Variants in DDX6 observed in about 807,000 individuals in gnomAD.
DDX6 encodes the protein probable ATP-dependent RNA helicase DDX6.
In DDX6, 7 loss-of-function variants were observed where a neutral mutation model predicts 60.6. The observed-to-expected ratio is 0.12, with a 90% confidence interval of 0.07 to 0.22. DDX6 has a LOEUF of 0.22. Ranked by LOEUF, DDX6 falls within the 10% of genes least tolerant of loss-of-function variation. The probability of loss-of-function intolerance (pLI) is 1.00; values close to 1 mark genes in which losing one functional copy is unlikely to be tolerated. For missense variants in DDX6, 270 were observed against 589.9 expected (o/e 0.46, Z 5.62); for synonymous variants, 207 against 201.0 (o/e 1.03, Z -0.25).
At position 118,765,140 on chromosome 11, in the gene DDX6, A is replaced by T. The variant is rs911078828; in HGVS notation, c.646+69T>A. ...CCTTAATTCTTAAAAACAATTTTTAATAATTTACTGAAATACTTGTGACTA... is the reference window on the plus strand; with the variant it reads ...CCTTAATTCTTAAAAACAATTTTTATTAATTTACTGAAATACTTGTGACTA... On this transcript the variant is annotated intron_variant, in intron 6 of 13. Coordinates refer to ENST00000534980, the MANE Select transcript of DDX6 (RefSeq NM_004397.6). 8.4e-6 allele frequency: 13 copies of T among 1,552,238 alleles called. 1 individual carries two copies. In the Middle Eastern group the frequency reaches 7.1e-4, roughly 85 times the overall value.
rs1326824328 is a variant in DDX6, at chr11:118,751,745, T to C, written c.*360A>G. 2.4e-5 allele frequency: 7 copies of C among 296,330 alleles called. No homozygotes were observed. The highest frequency in any genetic ancestry group is 4.6e-5 in the Non-Finnish European group (7 of 150,902). 18.4% of individuals were successfully genotyped at this position (296,330 alleles called of 1,614,324 possible). A position where few individuals can be genotyped will look rare whatever the true frequency, so the allele number is the denominator to read the frequency against. Reference sequence around the variant, plus strand: ...CACGAGAGTCAGCTGTTGGAGAATTTTGAAATCATTGACAAGCTTGTGTGT... The same window carrying C: ...CACGAGAGTCAGCTGTTGGAGAATTCTGAAATCATTGACAAGCTTGTGTGT... On this transcript the variant is annotated 3_prime_UTR_variant, in exon 14 of 14. Transcript: ENST00000534980.
intron 4 of DDX6, among the ~76,000 whole-genome samples, chr11:118,778,011 GAAT>G (rs782667073): frequency 4.8e-5 from 7 of 147,174 alleles, no homozygotes; most frequent in Non-Finnish European, 8.9e-5. Context: ...GCTATTTTTA[GAAT>G]AATAATAAAA....
intron 2 of DDX6, 40 bp downstream of exon 2, chr11:118,786,012 T>TCC: frequency 5.7e-6 from 9 of 1,571,556 alleles, no homozygotes; most frequent in Non-Finnish European, 7.8e-6. Flanking sequence ...AAATCTTGGT[T>TCC]CCCCACAAGT....
rs1346340576 is a variant in DDX6, at chr11:118,758,834, C to T, written c.933G>A (p.Gln311=). 1 of 1,613,720 alleles carries T rather than the reference C, an allele frequency of 6.2e-7. No individual in the cohort carries two copies. The highest frequency in any genetic ancestry group is 1.7e-5 in the Admixed American group (1 of 59,978). The change falls in exon 9 of 14, where the codon CAG becomes CAA. Residue 311 remains glutamine, a synonymous_variant. Coordinates refer to ENST00000534980, the MANE Select transcript of DDX6 (RefSeq NM_004397.6). ...MEELTLKGVT[Q]YYAYVTERQK... is the part of the protein sequence containing the mutation. ...GGCGCTCAGTTACATATGCGTAGTACTGGGTTACTCCCTTCAGAGTTAGTT... is the reference window on the plus strand; with the variant it reads ...GGCGCTCAGTTACATATGCGTAGTATTGGGTTACTCCCTTCAGAGTTAGTT...
At chr11:118,763,496 G>A (rs374996359) in intron 6 of DDX6, among the ~76,000 whole-genome samples, 190 bp from the exon 7 acceptor site, 25 of 63,248 alleles carry the variant, frequency 4.0e-4, no homozygotes, top group African/African-American at 1.4e-3. Flanking sequence ...ACGTGCAGCC[G>A]TCACTGACCA....
intron 5 of DDX6, among the ~76,000 whole-genome samples, chr11:118,766,318 C>T (rs182362380): frequency 4.7e-4 from 72 of 152,088 alleles, no homozygotes; most frequent in African/African-American, 1.4e-3. Flanking sequence ...CCTATAGTCT[C>T]AGCTTCTGGG....
chr11:118,760,548 C>G (rs770920142), intron 7 of DDX6, among the ~76,000 whole-genome samples: 1 of 151,836 alleles, frequency 6.6e-6, no homozygotes, highest in Non-Finnish European at 1.5e-5. Flanking sequence ...TCTGGCCGGG[C>G]GCGGTGGCTC....
At chr11:118,791,507 C>T (rs1862276479), upstream of DDX6, 1 of 152,256 alleles carries the variant, frequency 6.6e-6, no homozygotes, top group South Asian at 2.1e-4. Flanking sequence ...TGCCTTCGCC[C>T]CTCCAAAGTA....
chr11:118,756,439 G>GTT, intron 10 of DDX6, 116 bp from the exon 11 acceptor site: 1 of 648,800 alleles, frequency 1.5e-6, no homozygotes, highest in South Asian at 2.3e-5. Context: ...AGTGATCCAT[G>GTT]ATATTAAGCT....
intron 12 of DDX6, 133 bp from the exon 13 acceptor site, chr11:118,755,020 T>G: frequency 1.2e-6 from 1 of 809,756 alleles, no homozygotes. Flanking sequence ...GCAAAACAAC[T>G]TCTTAATGGT....
At chr11:118,768,002 G>T in intron 5 of DDX6, 1 of 462,322 alleles carries the variant, frequency 2.2e-6, no homozygotes, top group Non-Finnish European at 3.8e-6. Flanking sequence ...TCACAAGTGT[G>T]TATCATATAA....
At chr11:118,783,799 A>G (rs1291567607) in intron 2 of DDX6, among the ~76,000 whole-genome samples, 3 of 146,886 alleles carry the variant, frequency 2.0e-5, no homozygotes, top group Non-Finnish European at 4.5e-5. Context: ...AGAGTGAGTG[A>G]GAGTCCATCT....
intron 2 of DDX6, among the ~76,000 whole-genome samples, chr11:118,784,969 T>C (rs768593933): frequency 6.6e-6 from 1 of 152,224 alleles, no homozygotes; most frequent in Non-Finnish European, 1.5e-5. Context: ...GGTTTCTCCA[T>C]GTTTGTCAGG....
At chr11:118,773,949 C>A (rs1323272784) in intron 4 of DDX6, among the ~76,000 whole-genome samples, 1 of 151,818 alleles carries the variant, frequency 6.6e-6, no homozygotes, top group Non-Finnish European at 1.5e-5. Flanking sequence ...CGATTGTTAG[C>A]AGGAAGAATG....
chr11:118,759,099 A>T (rs1861078071), intron 8 of DDX6, 197 bp from the exon 9 acceptor site: 4 of 619,288 alleles, frequency 6.5e-6, no homozygotes, highest in Non-Finnish European at 7.7e-6. Flanking sequence ...TTGCTCTGTC[A>T]CCCAGGCTGG....
intron 4 of DDX6, among the ~76,000 whole-genome samples, chr11:118,778,087 T>G (rs534589308): frequency 1.3e-5 from 2 of 151,728 alleles, no homozygotes; most frequent in Non-Finnish European, 2.9e-5. Flanking sequence ...CAGATATATA[T>G]GGATGAGGGG....
chr11:118,760,968 T>C (rs1420081331), intron 7 of DDX6, among the ~76,000 whole-genome samples: 1 of 151,998 alleles, frequency 6.6e-6, no homozygotes, highest in East Asian at 1.9e-4. Flanking sequence ...GGTGAAACCC[T>C]GTCTCTACTA....
At chr11:118,782,410 T>C (rs1315853762) in intron 2 of DDX6, among the ~76,000 whole-genome samples, 1 of 139,582 alleles carries the variant, frequency 7.2e-6, no homozygotes, top group Admixed American at 7.2e-5. Context: ...AAAGCATCTT[T>C]AAAAAAAAAA....
At chr11:118,768,049 G>A in intron 5 of DDX6, 174 bp downstream of exon 5, 1 of 596,860 alleles carries the variant, frequency 1.7e-6, no homozygotes, top group Non-Finnish European at 2.8e-6. Flanking sequence ...AAAAAGCTGG[G>A]AATCATTTTT....
Sources: gnomAD v4.1 joint callset for allele counts (sites outside exome capture counted in the v4.1 genomes callset) on GRCh38, gnomAD v4.1.1 for gene constraint, MANE v1.5 for transcripts, NCBI Gene and HGNC (gene_info 2026-07-23, HGNC 2026-07-21) for gene names.